Variants in AFF4 observed in about 807,000 individuals in gnomAD.
AFF4 encodes the protein ALF transcription elongation factor 4, also known as AF4/FMR2 family member 4.
Under a neutral mutation model 124.8 loss-of-function variants are expected in AFF4, and 13 were observed. That is an observed-to-expected ratio of 0.10 (90% CI 0.07 to 0.17). AFF4 has a LOEUF of 0.17. Ranked by LOEUF, AFF4 falls within the 10% of genes least tolerant of loss-of-function variation. AFF4 has a pLI of 1.00. For missense variants in AFF4, 1,092 were observed against 1,403.8 expected (o/e 0.78, Z 3.55); for synonymous variants, 477 against 496.1 (o/e 0.96, Z 0.51).
chr5:132,958,892 G>A (rs1762018999), intron 1 of AFF4, among the ~76,000 whole-genome samples: 1 of 152,184 alleles, frequency 6.6e-6, no homozygotes, highest in Non-Finnish European at 1.5e-5. Context: ...TGGCTTTCCA[G>A]TGCAGTCTAT....
At chr5:132,882,698 T>TA (rs1267619519) in intron 20 of AFF4, among the ~76,000 whole-genome samples, 1 of 151,700 alleles carries the variant, frequency 6.6e-6, no homozygotes, top group African/African-American at 2.4e-5. Flanking sequence ...CTACTAAAAA[T>TA]ACAAAAATTA....
chr5:132,897,103 C>T lies in AFF4; in HGVS notation c.1527G>A (p.Gln509=), dbSNP rs1483753473. 1.2e-6 allele frequency: 2 copies of T among 1,614,026 alleles called. No homozygotes were observed. The highest frequency in any genetic ancestry group is 8.5e-7 in the Non-Finnish European group (1 of 1,180,038). The part of the protein sequence containing the change: ...SQGYKKEGRE[Q]GTGNSYTDTS... ...TATCAGTGTAGCTATTCCCAGTGCCCTGCTCTCGGCCTTCCTTTTTGTAGC... is the reference window on the plus strand; with the variant it reads ...TATCAGTGTAGCTATTCCCAGTGCCTTGCTCTCGGCCTTCCTTTTTGTAGC... The change falls in exon 11 of 21, where the codon CAG becomes CAA. Residue 509 remains glutamine (Q), a synonymous_variant. Coordinates refer to ENST00000265343, the MANE Select transcript of AFF4 (RefSeq NM_014423.4).
In AFF4 at chr5:132,879,353, T is replaced by G. The variant is rs1044681332; in HGVS notation, c.*1706A>C. On this transcript the variant is annotated 3_prime_UTR_variant, in exon 21 of 21. Transcript: ENST00000265343. ...TCAAGCCTTAGCAATCATCTACAAATAGTAGGATAATCTTTTTTTCTGACT... is the reference window on the plus strand; with the variant it reads ...TCAAGCCTTAGCAATCATCTACAAAGAGTAGGATAATCTTTTTTTCTGACT... The G allele has an allele frequency of 4.7e-6, 1 of 211,294 alleles. No individual in the cohort carries two copies. Among genetic ancestry groups the G allele is most frequent in the Non-Finnish European group, 9.6e-6 (1 of 104,132 alleles). 13.1% of individuals were successfully genotyped at this position (211,294 alleles called of 1,614,324 possible).
At chr5:132,883,050 A>C (rs1581266410) in intron 20 of AFF4, among the ~76,000 whole-genome samples, 1 of 152,112 alleles carries the variant, frequency 6.6e-6, no homozygotes, top group Admixed American at 6.6e-5. Context: ...CATATATTTT[A>C]TTACTTTTAT....
At chr5:132,941,835 C>T (rs967236145) in intron 1 of AFF4, among the ~76,000 whole-genome samples, 2 of 151,898 alleles carry the variant, frequency 1.3e-5, no homozygotes, top group African/African-American at 4.8e-5. Flanking sequence ...CGGGGAATCC[C>T]CTCCTCTACT....
At chr5:132,891,815 TTA>T (rs1491427852) in intron 13 of AFF4, 25 of 304,362 alleles carry the variant, frequency 8.2e-5, no homozygotes, top group South Asian at 2.8e-4. Flanking sequence ...TTTTTTTTTT[TTA>T]AATTTTAAAG....
At chr5:132,897,887 T>C (rs531252595) in intron 10 of AFF4, among the ~76,000 whole-genome samples, 2 of 152,186 alleles carry the variant, frequency 1.3e-5, no homozygotes, top group South Asian at 2.1e-4. Context: ...TAACAAGCTA[T>C]ACCAAAATTG....
At chr5:132,941,412 C>T (rs537875575) in intron 1 of AFF4, among the ~76,000 whole-genome samples, 63 of 152,272 alleles carry the variant, frequency 4.1e-4, no homozygotes, top group Non-Finnish European at 7.5e-4. Context: ...CAGCTCACTG[C>T]AACCTCAGAC....
intron 1 of AFF4, among the ~76,000 whole-genome samples, chr5:132,945,878 T>C (rs1261921643): frequency 6.6e-6 from 1 of 151,836 alleles, no homozygotes; most frequent in South Asian, 2.1e-4. Context: ...CTGACCAACA[T>C]GGAAAAACCC....
chr5:132,879,293 G>C lies in AFF4; in HGVS notation c.*1766C>G, dbSNP rs1759913837. The C allele has an allele frequency of 4.6e-6, 1 of 217,356 alleles. No homozygotes were observed. Among genetic ancestry groups the C allele is most frequent in the Admixed American group, 5.8e-5 (1 of 17,278 alleles). The allele number at this position is 217,356 out of a possible 1,614,324, so 13.5% of individuals were successfully genotyped here. A position where few individuals can be genotyped will look rare whatever the true frequency, so the allele number is the denominator to read the frequency against. On this transcript the variant is annotated 3_prime_UTR_variant, in exon 21 of 21. Coordinates refer to ENST00000265343, the MANE Select transcript of AFF4 (RefSeq NM_014423.4). ...AAGGATTCACTGCACTACTGGACTT[G>C]AAACTTTTCTATCCCTTCTTTCCCC...
At chr5:132,933,394 A>T (rs1761345594) in intron 3 of AFF4, among the ~76,000 whole-genome samples, 1 of 149,032 alleles carries the variant, frequency 6.7e-6, no homozygotes, top group Non-Finnish European at 1.5e-5. Flanking sequence ...CGAAACTCCA[A>T]CTCAAAAAAA....
chr5:132,950,617 C>A (rs1761820773), intron 1 of AFF4, among the ~76,000 whole-genome samples: 2 of 151,988 alleles, frequency 1.3e-5, no homozygotes, highest in Admixed American at 6.6e-5. Flanking sequence ...CCACTGCACT[C>A]CAGCCCAGGC....
Position 132,919,022 on chromosome 5 carries a change from A to C in AFF4, c.1050+8099T>G, listed in dbSNP as rs556951278. ...CAGCCTCCTGAGTAGCTGGGATTAC[A>C]GGTGTGCACCACCATGCCCCGTGCC... On this transcript the variant is annotated intron_variant, in intron 5 of 20. Coordinates refer to ENST00000265343, the MANE Select transcript of AFF4 (RefSeq NM_014423.4). 3.3e-5 allele frequency among the ~76,000 whole-genome samples: 5 copies of C among 151,998 alleles called. No individual in the cohort carries two copies. In the East Asian group the frequency reaches 9.7e-4, roughly 29 times the overall value.
intron 1 of AFF4, among the ~76,000 whole-genome samples, chr5:132,946,388 T>C (rs1355468027): frequency 6.6e-6 from 1 of 152,174 alleles, no homozygotes; most frequent in African/African-American, 2.4e-5. Context: ...TTGTTCACAA[T>C]AGCGAAAAGA....
At chr5:132,907,861 G>C (rs1185295334) in intron 5 of AFF4, among the ~76,000 whole-genome samples, 1 of 152,024 alleles carries the variant, frequency 6.6e-6, no homozygotes, top group African/African-American at 2.4e-5. Context: ...TGGAAGAGTG[G>C]TGAGATATGA....
chr5:132,915,075 A>G (rs2150084770), intron 5 of AFF4, among the ~76,000 whole-genome samples: 1 of 152,316 alleles, frequency 6.6e-6, no homozygotes, highest in East Asian at 1.9e-4. Context: ...ACGGTGGCTC[A>G]TGCCTGTAAT....
chr5:132,891,945 G>A, intron 13 of AFF4: 1 of 675,418 alleles, frequency 1.5e-6, no homozygotes, highest in Non-Finnish European at 2.5e-6. Context: ...CTGTACCCAA[G>A]GGTTTTTCTT....
chr5:132,934,583 C>A lies in AFF4; in HGVS notation c.482G>T (p.Ser161Ile), dbSNP rs1761380453. The A allele has an allele frequency of 6.2e-6, 10 of 1,614,060 alleles. No individual in the cohort carries two copies. The highest frequency in any genetic ancestry group is 8.5e-6 in the Non-Finnish European group (10 of 1,180,042). ...ATGCTGGCCTTTTTTCCGGCTACTG[C>A]TCCCACTATTGTTATATGACTCACG... is the stretch of plus-strand genomic sequence containing the variant. ...HDRESYNNSG[S>I]SSRKKGQHGS... is the part of the protein sequence containing the mutation. Residue 161 changes from serine to isoleucine, a missense_variant, in exon 3 of 21, where the codon AGC becomes ATC. Coordinates refer to ENST00000265343, the MANE Select transcript of AFF4 (RefSeq NM_014423.4).
intron 5 of AFF4, among the ~76,000 whole-genome samples, chr5:132,913,997 G>T (rs1393537546): frequency 6.6e-6 from 1 of 152,152 alleles, no homozygotes; most frequent in Non-Finnish European, 1.5e-5. Flanking sequence ...GGACACCGAG[G>T]TGGGTGGATC....
Sources: allele counts gnomAD v4.1 joint callset (sites outside exome capture counted in the v4.1 genomes callset), GRCh38; gene constraint gnomAD v4.1.1; transcripts MANE v1.5; gene names NCBI Gene and HGNC (gene_info 2026-07-23, HGNC 2026-07-21).